Variants in PROM1 observed in about 807,000 individuals in gnomAD.
PROM1 encodes prominin-1.
A neutral mutation model predicts 116.9 loss-of-function variants in PROM1; 105 were observed. The ratio of observed to expected loss-of-function variants is 0.90; its 90% CI spans 0.77 to 1.06. The LOEUF (loss-of-function observed/expected upper bound fraction) is 1.06. Among genes scored for constraint, PROM1 ranks in the 50% least tolerant of loss-of-function variants. The pLI is 0.00. For synonymous variants in PROM1, 393 were observed against 387.0 expected (o/e 1.02, Z -0.18); for missense variants, 1,122 against 1,045.2 (o/e 1.07, Z -1.01).
chr4:16,050,871 T>A (rs937365378), intron 2 of PROM1, among the ~76,000 whole-genome samples: 2 of 152,230 alleles, frequency 1.3e-5, no homozygotes, highest in Admixed American at 1.3e-4. Flanking sequence ...CCAAAAATGC[T>A]TAATAGGCAC....
intron 2 of PROM1, among the ~76,000 whole-genome samples, chr4:16,063,266 G>C (rs1227873439): frequency 5.9e-5 from 9 of 152,132 alleles, no homozygotes; most frequent in Non-Finnish European, 1.0e-4. Context: ...AATTGCAAGA[G>C]GGAAAAAGAC....
rs114859248 is a variant in PROM1 at position 16,000,790 on chromosome 4, G to C, written c.1455-171C>G. On this transcript the variant is annotated intron_variant, in intron 13 of 27. Coordinates refer to ENST00000447510, the MANE Select transcript of PROM1 (RefSeq NM_006017.3). ...CACAGGGCTTGGGGACCTGGAGAGG[G>C]GCAGCTCCAGGACAGGCAAGGGTAC... is the stretch of plus-strand genomic sequence containing the variant. Among the ~76,000 whole-genome samples, 965 of 152,164 alleles carry C rather than the reference G, an allele frequency of 6.3e-3. 9 individuals carry two copies. Among genetic ancestry groups the C allele is most frequent in the African/African-American group, 0.022 (922 of 41,480 alleles).
chr4:16,071,476 C>T (rs1295127457), intron 2 of PROM1, among the ~76,000 whole-genome samples: 2 of 152,116 alleles, frequency 1.3e-5, no homozygotes, highest in African/African-American at 4.8e-5. Flanking sequence ...AAGCGTTAAC[C>T]CCTGACATGA....
chr4:15,996,118 A>G lies in PROM1; in HGVS notation c.1683-2047T>C, dbSNP rs1374224111. On this transcript the variant is annotated intron_variant, in intron 15 of 27. Coordinates refer to ENST00000447510, the MANE Select transcript of PROM1 (RefSeq NM_006017.3). ...TTTACACAACCGAGGTGTTTCCATCAGTCTTGGCATACAGAAAGCACCATG... is the reference window on the plus strand; with the variant it reads ...TTTACACAACCGAGGTGTTTCCATCGGTCTTGGCATACAGAAAGCACCATG... Among the ~76,000 whole-genome samples the G allele has an allele frequency of 2.6e-5, 4 of 152,246 alleles. No homozygotes were observed. In the East Asian group the frequency reaches 7.7e-4, roughly 29 times the overall value.
intron 9 of PROM1, among the ~76,000 whole-genome samples, 197 bp downstream of exon 9, chr4:16,018,126 G>C (rs757779346): frequency 6.6e-6 from 1 of 152,054 alleles, no homozygotes; most frequent in Non-Finnish European, 1.5e-5. Flanking sequence ...CTCATGAAGC[G>C]GTTCCCTTTT....
In PROM1 at chr4:16,075,852, A is replaced by C. The variant is rs189108830; in HGVS notation, c.55T>G (p.Ser19Ala). The C allele has an allele frequency of 0.01, 16,638 of 1,613,608 alleles. 195 individuals are homozygous for C. The highest frequency in any genetic ancestry group is 0.052 in the Admixed American group (3,095 of 59,920). Residue 19 changes from serine (S) to alanine (A), a missense_variant, in exon 2 of 28, where the codon TCA becomes GCA. Transcript: ENST00000447510. ...TCTGTGGATGAAGGCTGCCCTCCTG[A>C]AAAGGAGTTCCCGCACAGCCCCAGC... ...LLLGLCGNSF[S>A]GGQPSSTDAP...
At position 15,989,739 on chromosome 4, in the gene PROM1, T is replaced by G; in HGVS notation, c.2069A>C (p.Gln690Pro). The G allele has an allele frequency of 6.2e-7, 1 of 1,600,394 alleles. No individual in the cohort carries two copies. The highest frequency in any genetic ancestry group is 1.1e-5 in the South Asian group (1 of 89,108). ...TACGTCGTTGACTGTTACCAGTGATTGTTCTATAGGAAGGACTCGTTGCTG... is the reference window on the plus strand; with the variant it reads ...TACGTCGTTGACTGTTACCAGTGATGGTTCTATAGGAAGGACTCGTTGCTG... The part of the protein sequence containing the change: ...IHQQRVLPIE[Q>P]SLSTLYQSVK... The change falls in exon 19 of 28, where the codon CAA becomes CCA. Residue 690 changes from glutamine to proline, a missense_variant. By Grantham distance (76) the Gln-to-Pro change is moderately conservative. Transcript: ENST00000447510.
chr4:16,000,825 G>A (rs1231012282), intron 13 of PROM1, among the ~76,000 whole-genome samples: 2 of 151,982 alleles, frequency 1.3e-5, no homozygotes, highest in East Asian at 3.9e-4. Flanking sequence ...CACTGGATGG[G>A]GGCCTGGGGA....
At chr4:16,008,639 G>A (rs1036821938) in intron 12 of PROM1, among the ~76,000 whole-genome samples, 1 of 152,184 alleles carries the variant, frequency 6.6e-6, no homozygotes, top group African/African-American at 2.4e-5. Context: ...AAATTATCAA[G>A]TATTTGGCTC....
In PROM1 at chr4:15,989,350, A is replaced by G. The variant is rs532158401; in HGVS notation, c.2076+382T>C. ...CGAGACAGCAGACAGGGCTAAGTGG[A>G]TCTACACAGAGAAGCACTTAACCTC... is the stretch of plus-strand genomic sequence containing the variant. On this transcript the variant is annotated intron_variant, in intron 19 of 27. Transcript: ENST00000447510. Among the ~76,000 whole-genome samples, 139 of 152,148 alleles carry G rather than the reference A, an allele frequency of 9.1e-4. 1 individual carries two copies. Among genetic ancestry groups the G allele is most frequent in the Non-Finnish European group, 1.8e-3 (123 of 67,982 alleles).
At chr4:16,048,607 T>C (rs536285121) in intron 2 of PROM1, among the ~76,000 whole-genome samples, 1 of 152,044 alleles carries the variant, frequency 6.6e-6, no homozygotes, top group Non-Finnish European at 1.5e-5. Flanking sequence ...GTTGAACACC[T>C]TTAGGGTACT....
Position 16,003,333 on chromosome 4 carries a change from T to C in PROM1, c.1455-2714A>G, listed in dbSNP as rs1390794735. The C allele has an allele frequency of 6.6e-6, 3 of 456,640 alleles. No homozygotes were observed. In the Admixed American group the frequency reaches 7.0e-5, roughly 11 times the overall value. 28.3% of individuals were successfully genotyped at this position (456,640 alleles called of 1,614,324 possible). The stretch of plus-strand genomic sequence containing the variant: ...TCTTCATGATGATTTCTTCACAGTT[T>C]GGCTTACTTCCTTCACCTAGATTCC... On this transcript the variant is annotated intron_variant, in intron 13 of 27. Transcript: ENST00000447510.
At chr4:16,016,697 C>T (rs1578045529) in intron 9 of PROM1, among the ~76,000 whole-genome samples, 1 of 152,090 alleles carries the variant, frequency 6.6e-6, no homozygotes, top group Admixed American at 6.5e-5. Flanking sequence ...ACATCATATG[C>T]CTCCCACATG....
At chr4:15,988,109 C>T (rs1239926703) in intron 19 of PROM1, among the ~76,000 whole-genome samples, 1 of 152,128 alleles carries the variant, frequency 6.6e-6, no homozygotes, top group Non-Finnish European at 1.5e-5. Context: ...ATCTCCTGAC[C>T]TGGTGATCCA....
At chr4:16,023,015 A>G (rs748511037) in intron 8 of PROM1, among the ~76,000 whole-genome samples, 19 of 152,196 alleles carry the variant, frequency 1.2e-4, no homozygotes, top group Non-Finnish European at 2.5e-4. Context: ...ATAGCACGAA[A>G]ACGGCCACAG....
intron 2 of PROM1, among the ~76,000 whole-genome samples, chr4:16,066,758 C>T (rs570552545): frequency 3.1e-4 from 47 of 152,270 alleles, no homozygotes; most frequent in African/African-American, 1.0e-3. Context: ...AGCTGCTGGG[C>T]GGCCTCTCTG....
In PROM1 at chr4:16,013,948, A is replaced by C. The variant is rs980891470; in HGVS notation, c.1078-610T>G. Among the ~76,000 whole-genome samples the C allele has an allele frequency of 3.9e-3, 29 of 7,518 alleles. No homozygotes were observed. The African/African-American group carries it at 0.048, about 12-fold the overall frequency. The allele number at this position is 7,518 out of a possible 152,430, so 4.9% of individuals were successfully genotyped here. A position where few individuals can be genotyped will look rare whatever the true frequency, so the allele number is the denominator to read the frequency against. On this transcript the variant is annotated intron_variant, in intron 10 of 27. Transcript: ENST00000447510. ...AAAATTAGAAATATAGTCTAAACGA[A>C]AAAAAAAAATGTCCTAAAGCATGGC...
chr4:16,071,180 T>C (rs1331692352), intron 2 of PROM1, among the ~76,000 whole-genome samples: 1 of 152,296 alleles, frequency 6.6e-6, no homozygotes, highest in East Asian at 1.9e-4. Context: ...CTCTAACCTA[T>C]CAGCTGTTGA....
At chr4:15,996,962 A>G (rs1180447294) in intron 15 of PROM1, among the ~76,000 whole-genome samples, 2 of 152,238 alleles carry the variant, frequency 1.3e-5, no homozygotes, top group Non-Finnish European at 2.9e-5. Flanking sequence ...CACCATGTTA[A>G]CACACACATC....
Sources: allele counts gnomAD v4.1 joint callset (sites outside exome capture counted in the v4.1 genomes callset), GRCh38; gene constraint gnomAD v4.1.1; transcripts MANE v1.5; gene names NCBI Gene and HGNC (gene_info 2026-07-23, HGNC 2026-07-21).